The following ASAP3 variants were observed in gnomAD, a reference collection of about 807,000 sequenced individuals.
ASAP3 encodes the protein ArfGAP with SH3 domain, ankyrin repeat and PH domain 3.
ASAP3 carries 85 observed loss-of-function variants against 118.2 expected under a neutral mutation model. The ratio of observed to expected loss-of-function variants is 0.72; its 90% CI spans 0.60 to 0.86. The LOEUF is 0.86. ASAP3 is among the 40% of genes least tolerant of loss of function. The probability of loss-of-function intolerance (pLI) is 0.00; values close to 1 mark genes in which losing one functional copy is unlikely to be tolerated. For synonymous variants in ASAP3, 432 were observed against 477.4 expected (o/e 0.90, Z 1.24); for missense variants, 1,026 against 1,175.0 (o/e 0.87, Z 1.85).
chr1:23,451,818 TCTTTGGGCTCTACCCTGAGTC>T (rs1388551507), intron 4 of ASAP3, among the ~76,000 whole-genome samples: 1 of 152,066 alleles, frequency 6.6e-6, no homozygotes, highest in African/African-American at 2.4e-5. Context: ...TGTGAAGAGA[TCTTTGGGCTCTACCCTGAGTC>T]CTCTTGCTCA....
chr1:23,436,856 A>T lies in ASAP3; in HGVS notation c.1476+55T>A. On this transcript the variant is annotated intron_variant, in intron 15 of 24. Coordinates refer to ENST00000336689, the MANE Select transcript of ASAP3 (RefSeq NM_017707.4). The surrounding 1 kb of genome is among the most constrained non-coding windows in gnomAD (Gnocchi z 4.2). Reference sequence around the variant, plus strand: ...AACCTGCAAGCCCCGCCCCCGGATGAAACTACACCCCTAACTCCGCTTCTG... The same window carrying T: ...AACCTGCAAGCCCCGCCCCCGGATGTAACTACACCCCTAACTCCGCTTCTG... The T allele has an allele frequency of 7.6e-6, 12 of 1,569,414 alleles. No individual in the cohort carries two copies. Among genetic ancestry groups the T allele is most frequent in the Non-Finnish European group, 1.0e-5 (12 of 1,155,918 alleles).
chr1:23,440,006 G>T (rs936935882), intron 10 of ASAP3, among the ~76,000 whole-genome samples: 4 of 151,762 alleles, frequency 2.6e-5, no homozygotes, highest in African/African-American at 9.7e-5. Context: ...AGTAGAGATG[G>T]GGTTTCACTA....
chr1:23,439,414 G>GAC (rs1161311877), intron 10 of ASAP3, among the ~76,000 whole-genome samples, 184 bp from the exon 11 acceptor site: 1 of 152,088 alleles, frequency 6.6e-6, no homozygotes, highest in African/African-American at 2.4e-5. Flanking sequence ...TGATGGAGGA[G>GAC]ACACAGTTCT....
intron 1 of ASAP3, among the ~76,000 whole-genome samples, chr1:23,464,389 G>C (rs1233288865): frequency 6.6e-6 from 1 of 151,832 alleles, no homozygotes; most frequent in African/African-American, 2.4e-5. Flanking sequence ...GTTTCGCCAT[G>C]TTGGCCAAGC....
intron 1 of ASAP3, among the ~76,000 whole-genome samples, chr1:23,481,000 G>A (rs1317798619): frequency 3.3e-5 from 5 of 152,208 alleles, no homozygotes; most frequent in Non-Finnish European, 5.9e-5. Flanking sequence ...GAGAAGTTAC[G>A]TAGGGAGGAC....
chr1:23,470,949 C>T (rs1238260939), intron 1 of ASAP3, among the ~76,000 whole-genome samples: 3 of 152,080 alleles, frequency 2.0e-5, no homozygotes, highest in African/African-American at 4.8e-5. Flanking sequence ...CTGGACTAAC[C>T]GCGGAAGGTT....
Position 23,437,061 on chromosome 1 carries a change from CT to C in ASAP3, c.1343-18del. 6.2e-7 allele frequency: 1 copy of C among 1,605,960 alleles called. No homozygotes were observed. Among genetic ancestry groups the C allele is most frequent in the Non-Finnish European group, 8.5e-7 (1 of 1,176,430 alleles). On this transcript the variant is annotated intron_variant, in intron 14 of 24. Coordinates refer to ENST00000336689, the MANE Select transcript of ASAP3 (RefSeq NM_017707.4). The surrounding 1 kb of genome is among the most constrained non-coding windows in gnomAD (Gnocchi z 6.1). ...ACGTGGGGTCTGCAGAGGAAAGCAG[CT>C]GGAGCCTGGAGGTGCAGCCCCTCCC... is the stretch of plus-strand genomic sequence containing the variant.
intron 17 of ASAP3, among the ~76,000 whole-genome samples, chr1:23,435,300 A>C (rs1640597947): frequency 6.6e-6 from 1 of 152,218 alleles, no homozygotes; most frequent in South Asian, 2.1e-4. Context: ...AAGTGTTGGG[A>C]TTACAGGCGT....
rs968833477 is a variant in ASAP3 at position 23,436,798 on chromosome 1, T to C, written c.1476+113A>G. On this transcript the variant is annotated intron_variant, in intron 15 of 24. Transcript: ENST00000336689. The surrounding 1 kb of genome is among the most constrained non-coding windows in gnomAD (Gnocchi z 4.2). ...GCCCCTGACCACCCGCTACCTGGCT[T>C]GTCCCAGCCCACCTCGGCCAGGTCC... 1 of 1,543,854 alleles carries C rather than the reference T, an allele frequency of 6.5e-7. No homozygotes were observed. The highest frequency in any genetic ancestry group is 2.3e-5 in the East Asian group (1 of 43,412).
At chr1:23,440,952 T>C (rs1466853953) in intron 10 of ASAP3, 150 bp downstream of exon 10, 1 of 682,458 alleles carries the variant, frequency 1.5e-6, no homozygotes, top group African/African-American at 1.8e-5. Flanking sequence ...TGCCCAGGTG[T>C]CCTGGACAAC....
In ASAP3 at chr1:23,429,212, T is replaced by C. The variant is rs1640339481; in HGVS notation, c.*644A>G. The C allele has an allele frequency of 6.6e-6, 1 of 152,290 alleles. No individual in the cohort carries two copies. 9.4% of individuals were successfully genotyped at this position (152,290 alleles called of 1,614,324 possible). ...TGTTGACCAGCCAGAATGGATGTGA[T>C]CTGTAGACAATTGTAATGGTCATAT... is the stretch of plus-strand genomic sequence containing the variant. On this transcript the variant is annotated 3_prime_UTR_variant, in exon 25 of 25. Transcript: ENST00000336689.
rs576283818 is a variant in ASAP3 at position 23,440,654 on chromosome 1, A to G, written c.944+448T>C. ...GGCGGATCACAAGGTCAGGAGATCG[A>G]GACCATCCTGGCTAACATAGTGAAA... On this transcript the variant is annotated intron_variant, in intron 10 of 24. Coordinates refer to ENST00000336689, the MANE Select transcript of ASAP3 (RefSeq NM_017707.4). Among the ~76,000 whole-genome samples, 31 of 151,126 alleles carry G rather than the reference A, an allele frequency of 2.1e-4. 1 individual carries two copies. In the South Asian group the frequency reaches 6.1e-3, roughly 30 times the overall value.
chr1:23,472,079 G>A (rs1384172009), intron 1 of ASAP3, among the ~76,000 whole-genome samples: 2 of 152,162 alleles, frequency 1.3e-5, no homozygotes, highest in Non-Finnish European at 2.9e-5. Context: ...GGGGGCCGGG[G>A]AAAAGGAGTG....
chr1:23,443,806 G>A (rs1003796003), intron 5 of ASAP3, among the ~76,000 whole-genome samples: 1 of 151,314 alleles, frequency 6.6e-6, no homozygotes, highest in African/African-American at 2.4e-5. Context: ...CTGCAACCTC[G>A]GCCTCCTGGG....
In ASAP3 at chr1:23,435,909, A is replaced by C. The variant is rs1428282217; in HGVS notation, c.1691T>G (p.Leu564Arg). ...GTCCTGCCCATTGGCAAAGGCCTCC[A>C]GTACCGACAGGAGGTCCCTGTTGCA... ...AICNRDLLSVLEAFANGQDFG... is the reference protein window; with the variant it reads ...AICNRDLLSVREAFANGQDFG... Residue 564 changes from leucine (L) to arginine (R), a missense_variant, in exon 17 of 25, where the codon CTG (leucine) becomes CGG (arginine). Physicochemically the swap from Leu to Arg is moderately radical, Grantham distance 102. Transcript: ENST00000336689. 1 of 1,614,160 alleles carries C rather than the reference A, an allele frequency of 6.2e-7. No individual in the cohort carries two copies. The highest frequency in any genetic ancestry group is 1.3e-5 in the African/African-American group (1 of 74,948).
At chr1:23,484,177 ACTGAGCTGCTCC>A (rs1642430325) in exon 1 of ASAP3, 8 of 1,238,456 alleles carry the variant, frequency 6.5e-6, no homozygotes, top group Admixed American at 4.3e-5. Flanking sequence ...CGCGGGGGGC[ACTGAGCTGCTCC>A]GCGCTGAGCC....
At chr1:23,455,016 GGAGCCACAA>G (rs1000210765) in intron 3 of ASAP3, among the ~76,000 whole-genome samples, 17 of 152,134 alleles carry the variant, frequency 1.1e-4, no homozygotes, top group African/African-American at 3.9e-4. Context: ...GGGTAGGACT[GGAGCCACAA>G]GAGCTGGTCC....
In ASAP3 at chr1:23,441,637, G is replaced by C. The variant is rs550380286; in HGVS notation, c.747+18C>G. On this transcript the variant is annotated intron_variant, in intron 8 of 24. Coordinates refer to ENST00000336689, the MANE Select transcript of ASAP3 (RefSeq NM_017707.4). ...ACAGGGGGCTTGATCACGTGCCCAA[G>C]GGTGAGACCCAACTTACTGCATGTA... The C allele has an allele frequency of 6.2e-7, 1 of 1,613,942 alleles. No individual in the cohort carries two copies. The highest frequency in any genetic ancestry group is 1.1e-5 in the South Asian group (1 of 91,062).
chr1:23,454,878 G>A (rs1296935961), intron 3 of ASAP3, among the ~76,000 whole-genome samples: 2 of 152,234 alleles, frequency 1.3e-5, no homozygotes, highest in African/African-American at 4.8e-5. Flanking sequence ...GGCAGACTGA[G>A]TGACTTGACC....
Sources: gnomAD v4.1 joint callset for allele counts (sites outside exome capture counted in the v4.1 genomes callset) on GRCh38, gnomAD v4.1.1 for gene constraint, Gnocchi (gnomAD v3.1) non-coding constraint, MANE v1.5 for transcripts, NCBI Gene and HGNC (gene_info 2026-07-23, HGNC 2026-07-21) for gene names.